The following HDAC9 variants were observed in gnomAD, a reference collection of about 807,000 sequenced individuals.
HDAC9 encodes the protein histone deacetylase 9.
HDAC9 carries 41 observed loss-of-function variants against 139.4 expected under a neutral mutation model. That is an observed-to-expected ratio of 0.29 (90% CI 0.23 to 0.38). HDAC9 has a LOEUF of 0.38. Ranked by LOEUF, HDAC9 falls within the 10% of genes least tolerant of loss-of-function variation. The pLI is 1.00. For missense variants in HDAC9, 1,147 were observed against 1,297.0 expected (o/e 0.88, Z 1.78); for synonymous variants, 517 against 476.2 (o/e 1.09, Z -1.12).
chr7:18,964,833 C>T (rs541230128), intron 24 of HDAC9, among the ~76,000 whole-genome samples: 1 of 152,196 alleles, frequency 6.6e-6, no homozygotes, highest in Non-Finnish European at 1.5e-5. Context: ...CACCTCCCAC[C>T]AGGTCTCTCC....
chr7:18,242,738 A>G (rs570729100), intron 2 of HDAC9, among the ~76,000 whole-genome samples: 1 of 151,910 alleles, frequency 6.6e-6, no homozygotes, highest in East Asian at 1.9e-4. Flanking sequence ...CTATATCTCC[A>G]CTTCAGGTGC....
chr7:18,735,203 G>C (rs1483080445), intron 13 of HDAC9, among the ~76,000 whole-genome samples: 1 of 152,158 alleles, frequency 6.6e-6, no homozygotes, highest in Non-Finnish European at 1.5e-5. Flanking sequence ...TCACTCTGAT[G>C]GTAGTTCCTT....
intron 12 of HDAC9, among the ~76,000 whole-genome samples, chr7:18,692,242 T>C (rs1292508812): frequency 2.0e-5 from 3 of 152,108 alleles, no homozygotes; most frequent in Non-Finnish European, 4.4e-5. Context: ...TCCAGGGAGA[T>C]GTTCTCTTGT....
At position 18,309,182 on chromosome 7, in the gene HDAC9, A is replaced by G. The variant is rs625975; in HGVS notation, c.-42+18667A>G. Among the ~76,000 whole-genome samples the G allele has an allele frequency of 4.2e-3, 633 of 152,300 alleles. 6 individuals carry two copies. Among genetic ancestry groups the G allele is most frequent in the African/African-American group, 0.015 (609 of 41,554 alleles). On this transcript the variant is annotated intron_variant, in intron 1 of 3. Transcript: ENST00000413509. ...GTTGAAATAAATCATTTCAAGGACAATGAAATGTTCAGCCCAAGGTACACT... is the reference window on the plus strand; with the variant it reads ...GTTGAAATAAATCATTTCAAGGACAGTGAAATGTTCAGCCCAAGGTACACT...
At chr7:18,591,068 G>C (rs1355037327) in intron 4 of HDAC9, among the ~76,000 whole-genome samples, 1 of 151,986 alleles carries the variant, frequency 6.6e-6, no homozygotes, top group Admixed American at 6.6e-5. Flanking sequence ...ATGCTCAAAG[G>C]GTTTTTTTAA....
In HDAC9 at chr7:18,630,014, G is replaced by A. The variant is rs377334082; in HGVS notation, c.796+533G>A. 7.8e-4 allele frequency among the ~76,000 whole-genome samples: 118 copies of A among 152,144 alleles called. 1 individual carries two copies. The Middle Eastern group carries it at 0.014, about 18-fold the overall frequency. On this transcript the variant is annotated intron_variant, in intron 7 of 25. Coordinates refer to ENST00000686413, the MANE Select transcript of HDAC9 (RefSeq NM_178425.4). ...GGGGGATATATTGCTTTTTATGAAG[G>A]GGAAGAAACTGTCATTTTCATGGGT...
intron 1 of HDAC9, among the ~76,000 whole-genome samples, chr7:18,344,404 A>G (rs1161983053): frequency 6.6e-6 from 1 of 151,962 alleles, no homozygotes; most frequent in Non-Finnish European, 1.5e-5. Context: ...TTGAATGGTT[A>G]AGAATATTGG....
intron 1 of HDAC9, among the ~76,000 whole-genome samples, chr7:18,120,804 C>T (rs531927247): frequency 1.3e-5 from 2 of 152,268 alleles, no homozygotes; most frequent in East Asian, 3.9e-4. Flanking sequence ...TTTTGCTTCT[C>T]TTTGTATCTT....
chr7:18,114,179 A>G (rs1783814700), intron 1 of HDAC9, among the ~76,000 whole-genome samples: 1 of 152,258 alleles, frequency 6.6e-6, no homozygotes. Context: ...TCTAAATATC[A>G]TGTTCAAGGT....
chr7:18,808,556 T>C (rs1043666501), intron 17 of HDAC9, among the ~76,000 whole-genome samples: 1 of 151,888 alleles, frequency 6.6e-6, no homozygotes, highest in African/African-American at 2.4e-5. Flanking sequence ...CCACTTACAA[T>C]AGCTACAGAA....
chr7:18,951,210 T>C (rs1402661194), intron 23 of HDAC9, among the ~76,000 whole-genome samples: 1 of 152,012 alleles, frequency 6.6e-6, no homozygotes, highest in African/African-American at 2.4e-5. Context: ...CACAATTTTA[T>C]GGTGTTTTAA....
At chr7:18,422,287 T>A (rs748126352) in intron 1 of HDAC9, among the ~76,000 whole-genome samples, 3 of 152,046 alleles carry the variant, frequency 2.0e-5, no homozygotes, top group Admixed American at 6.6e-5. Flanking sequence ...CCTATTCTAT[T>A]TCAGTAAAGG....
chr7:18,713,012 A>G (rs535211407), intron 12 of HDAC9, among the ~76,000 whole-genome samples: 28 of 152,172 alleles, frequency 1.8e-4, no homozygotes, highest in Non-Finnish European at 3.4e-4. Flanking sequence ...GTCTAATCAT[A>G]TTATATTATC....
Position 18,997,312 on chromosome 7 carries a change from AAC to A in HDAC9, c.*1252_*1253del, listed in dbSNP as rs1291958550. 89 of 144,462 alleles carry A rather than the reference AAC, an allele frequency of 6.2e-4. No individual in the cohort carries two copies. Among genetic ancestry groups the A allele is most frequent in the African/African-American group, 2.2e-3 (86 of 39,276 alleles). 8.9% of individuals were successfully genotyped at this position (144,462 alleles called of 1,614,324 possible). A position where few individuals can be genotyped will look rare whatever the true frequency, so the allele number is the denominator to read the frequency against. ...GTGCCTTCTTGTGAAAAAAAAAAAA[AAC>A]AAAAACAAAAAACAGCCTTTAAACA... On this transcript the variant is annotated 3_prime_UTR_variant, in exon 26 of 26. Transcript: ENST00000686413.
intron 15 of HDAC9, among the ~76,000 whole-genome samples, chr7:18,762,847 A>G (rs1236151638): frequency 6.6e-6 from 1 of 152,196 alleles, no homozygotes; most frequent in Non-Finnish European, 1.5e-5. Context: ...TTGTTAATGT[A>G]TGATTTTTTG....
upstream of HDAC9, among the ~76,000 whole-genome samples, chr7:18,286,723 ATCT>A (rs1797478069): frequency 1.3e-5 from 2 of 152,232 alleles, no homozygotes; most frequent in Admixed American, 1.3e-4. Flanking sequence ...ATCATGACTC[ATCT>A]TCTAATATTA....
chr7:18,257,564 C>T (rs888012537), intron 2 of HDAC9, among the ~76,000 whole-genome samples: 1 of 152,004 alleles, frequency 6.6e-6, no homozygotes, highest in Admixed American at 6.6e-5. Flanking sequence ...TTCTGTTAGC[C>T]ACACAAAAGA....
At chr7:18,619,305 A>G (rs1355149378) in intron 6 of HDAC9, among the ~76,000 whole-genome samples, 2 of 152,138 alleles carry the variant, frequency 1.3e-5, no homozygotes, top group Non-Finnish European at 2.9e-5. Context: ...TTCTCTTCTC[A>G]ACAATATTTG....
At chr7:18,217,135 G>T (rs1792374551) in intron 2 of HDAC9, among the ~76,000 whole-genome samples, 1 of 151,448 alleles carries the variant, frequency 6.6e-6, no homozygotes, top group Non-Finnish European at 1.5e-5. Flanking sequence ...ATCTCTTTAG[G>T]GTTTATATAT....
Sources: allele counts gnomAD v4.1 joint callset (sites outside exome capture counted in the v4.1 genomes callset), GRCh38; gene constraint gnomAD v4.1.1; transcripts MANE v1.5; gene names NCBI Gene and HGNC (gene_info 2026-07-23, HGNC 2026-07-21).